The following THEMIS variants were observed in gnomAD, a reference collection of about 807,000 sequenced individuals.
THEMIS encodes thymocyte selection associated.
Under a neutral mutation model 52.6 loss-of-function variants are expected in THEMIS, and 37 were observed. The observed-to-expected ratio is 0.70, with a 90% CI of 0.54 to 0.93. THEMIS has a LOEUF of 0.93. Among genes scored for constraint, THEMIS ranks in the 40% least tolerant of loss-of-function variants. THEMIS has a pLI of 0.00. For synonymous variants in THEMIS, 292 were observed against 272.7 expected, an observed-to-expected ratio of 1.07 and a Z score of -0.70; for missense variants, 808 against 763.1, an observed-to-expected ratio of 1.06 and a Z score of -0.69.
intron 4 of THEMIS, among the ~76,000 whole-genome samples, chr6:127,796,854 A>G (rs538721862): frequency 6.6e-6 from 1 of 152,304 alleles, no homozygotes; most frequent in South Asian, 2.1e-4. Context: ...AGCCACCTTG[A>G]TTCTCACTGT....
At chr6:127,768,049 C>G (rs956962356) in intron 4 of THEMIS, among the ~76,000 whole-genome samples, 1 of 151,952 alleles carries the variant, frequency 6.6e-6, no homozygotes, top group Non-Finnish European at 1.5e-5. Context: ...TGATAGAGGC[C>G]CTCCAAAATA....
In THEMIS at chr6:127,894,877, G is replaced by A. The variant is rs145566965; in HGVS notation, c.91+5965C>T. 6.1e-3 allele frequency among the ~76,000 whole-genome samples: 917 copies of A among 150,688 alleles called. 7 individuals carry two copies. The highest frequency in any genetic ancestry group is 0.01 in the Non-Finnish European group (707 of 67,414). ...AAATCTAAAATGAATAAGTCTATGGGCTCATTTTAATTATGATTAAATGTA... is the reference window on the plus strand; with the variant it reads ...AAATCTAAAATGAATAAGTCTATGGACTCATTTTAATTATGATTAAATGTA... On this transcript the variant is annotated intron_variant, in intron 1 of 5. Transcript: ENST00000368248.
Position 127,812,963 on chromosome 6 carries a change from G to T in THEMIS, c.1678C>A (p.His560Asn). ...AACTTTGTTTCCTCTACTGAGGGGT[G>T]TTTCGGAGGGCGAGGTGGGGGATGT... ...ASHPPPRPPK[H>N]PSVEETKLTL... Residue 560 changes from histidine to asparagine, a missense_variant, in exon 4 of 6, where the codon CAC becomes AAC. Transcript: ENST00000368248. 6.2e-7 allele frequency: 1 copy of T among 1,614,100 alleles called. No homozygotes were observed. Among genetic ancestry groups the T allele is most frequent in the Non-Finnish European group, 8.5e-7 (1 of 1,180,010 alleles).
chr6:127,887,532 A>T (rs1341556144), intron 1 of THEMIS, among the ~76,000 whole-genome samples: 1 of 152,154 alleles, frequency 6.6e-6, no homozygotes, highest in Non-Finnish European at 1.5e-5. Context: ...AATAAAAAGG[A>T]ACAAAATACT....
chr6:127,836,565 G>C (rs1583333352), intron 2 of THEMIS, among the ~76,000 whole-genome samples: 1 of 152,134 alleles, frequency 6.6e-6, no homozygotes, highest in East Asian at 1.9e-4. Flanking sequence ...GTAACCATAA[G>C]TATTAAATGA....
intron 1 of THEMIS, among the ~76,000 whole-genome samples, chr6:127,857,654 A>G (rs894498387): frequency 6.6e-6 from 1 of 152,198 alleles, no homozygotes; most frequent in African/African-American, 2.4e-5. Flanking sequence ...AGTGTTTGCT[A>G]TACAAACCTT....
chr6:127,839,730 G>A lies in THEMIS; in HGVS notation c.251-9796C>T, dbSNP rs796840138. ...AATTTCTGGCCATATTTACTTACTCGCAATTCTAGAAAGAAGTTAAATAGG... is the reference window on the plus strand; with the variant it reads ...AATTTCTGGCCATATTTACTTACTCACAATTCTAGAAAGAAGTTAAATAGG... On this transcript the variant is annotated intron_variant, in intron 2 of 5. Coordinates refer to ENST00000368248, the MANE Select transcript of THEMIS (RefSeq NM_001010923.3). 4.0e-5 allele frequency among the ~76,000 whole-genome samples: 6 copies of A among 151,798 alleles called. No homozygotes were observed. In the East Asian group the frequency reaches 5.8e-4, roughly 15 times the overall value.
intron 4 of THEMIS, among the ~76,000 whole-genome samples, chr6:127,788,392 T>A (rs1157583001): frequency 1.3e-5 from 2 of 152,204 alleles, no homozygotes; most frequent in African/African-American, 4.8e-5. Flanking sequence ...CTTTTGGTAT[T>A]GAATAATGAA....
intron 1 of THEMIS, among the ~76,000 whole-genome samples, chr6:127,878,217 A>G (rs2114414762): frequency 6.6e-6 from 1 of 152,306 alleles, no homozygotes; most frequent in Admixed American, 6.5e-5. Context: ...TGGTATAAGA[A>G]TCTTGTGAAC....
intron 4 of THEMIS, among the ~76,000 whole-genome samples, chr6:127,803,236 T>C (rs1387320752): frequency 2.0e-5 from 3 of 152,164 alleles, no homozygotes; most frequent in African/African-American, 7.2e-5. Flanking sequence ...TGATTTTAAG[T>C]GTACAGCGCT....
At chr6:127,848,780 T>A (rs1480322565) in intron 2 of THEMIS, among the ~76,000 whole-genome samples, 1 of 152,136 alleles carries the variant, frequency 6.6e-6, no homozygotes, top group Non-Finnish European at 1.5e-5. Flanking sequence ...TTGTTTGTTT[T>A]TTTCTTGTAA....
intron 2 of THEMIS, among the ~76,000 whole-genome samples, chr6:127,832,638 T>A (rs1012183554): frequency 6.6e-6 from 1 of 152,140 alleles, no homozygotes; most frequent in Non-Finnish European, 1.5e-5. Context: ...AAAAATATGC[T>A]TTGTTATTCT....
intron 4 of THEMIS, among the ~76,000 whole-genome samples, chr6:127,758,729 T>C (rs569276809): frequency 1.2e-4 from 19 of 152,164 alleles, no homozygotes; most frequent in African/African-American, 2.9e-4. Context: ...GTTTAGAGTA[T>C]GTAGAAGAAT....
intron 1 of THEMIS, among the ~76,000 whole-genome samples, chr6:127,892,019 T>G (rs546409692): frequency 6.6e-6 from 1 of 152,296 alleles, no homozygotes; most frequent in East Asian, 1.9e-4. Context: ...TATTCAAGTC[T>G]CTGCTCCAAA....
At chr6:127,744,766 T>C (rs1315422328) in intron 4 of THEMIS, among the ~76,000 whole-genome samples, 3 of 151,922 alleles carry the variant, frequency 2.0e-5, no homozygotes, top group Admixed American at 6.6e-5. Context: ...ATATAGTGCC[T>C]GTGGTTAACG....
chr6:127,758,744 G>C (rs998432536), intron 4 of THEMIS, among the ~76,000 whole-genome samples: 2 of 151,892 alleles, frequency 1.3e-5, no homozygotes, highest in Non-Finnish European at 2.9e-5. Flanking sequence ...AAGAATAAAC[G>C]AACTACAGGT....
intron 1 of THEMIS, among the ~76,000 whole-genome samples, chr6:127,898,029 A>G (rs975143186): frequency 2.0e-5 from 3 of 151,726 alleles, no homozygotes; most frequent in African/African-American, 7.2e-5. Flanking sequence ...AAAAGAATAC[A>G]TACTGTAATT....
In THEMIS at chr6:127,918,410, T is replaced by C. The variant is rs562631411; in HGVS notation, c.-150+18A>G. 3 of 152,236 alleles carry C rather than the reference T, an allele frequency of 2.0e-5. No homozygotes were observed. The East Asian group carries it at 5.8e-4, about 29-fold the overall frequency. The allele number at this position is 152,236 out of a possible 1,614,324, so 9.4% of individuals were successfully genotyped here. A position where few individuals can be genotyped will look rare whatever the true frequency, so the allele number is the denominator to read the frequency against. On this transcript the variant is annotated intron_variant, in intron 1 of 6. Coordinates refer to the THEMIS transcript ENST00000368250. The stretch of plus-strand genomic sequence containing the variant: ...ATAAAATCTTATGCAAGAGATATTA[T>C]CCCACAAAGAGCTGTACCTTTGATC...
intron 5 of THEMIS, among the ~76,000 whole-genome samples, chr6:127,715,804 T>C (rs1051377760): frequency 1.3e-5 from 2 of 151,856 alleles, no homozygotes; most frequent in East Asian, 3.9e-4. Context: ...TCCAACAGTT[T>C]CAATGTTCTA....
Sources: gnomAD v4.1 joint callset for allele counts (sites outside exome capture counted in the v4.1 genomes callset) on GRCh38, gnomAD v4.1.1 for gene constraint, MANE v1.5 for transcripts, NCBI Gene and HGNC (gene_info 2026-07-23, HGNC 2026-07-21) for gene names.